The following CELSR1 variants were observed in gnomAD, a reference collection of about 807,000 sequenced individuals.
CELSR1 encodes the protein adhesion G protein-coupled receptor C1.
In CELSR1, 110 loss-of-function variants were observed where a neutral mutation model predicts 249.1. The observed-to-expected ratio is 0.44, with a 90% confidence interval of 0.38 to 0.52. The LOEUF (loss-of-function observed/expected upper bound fraction) is 0.52. CELSR1 is among the 20% of genes least tolerant of loss of function. The pLI, the probability that CELSR1 is intolerant of heterozygous loss-of-function variation, is 0.00. For missense variants in CELSR1, 4,109 were observed against 4,296.4 expected (o/e 0.96, Z 1.22); for synonymous variants, 2,113 against 1,900.0 (o/e 1.11, Z -2.92).
At chr22:46,420,094 C>T (rs1281725345) in intron 5 of CELSR1, among the ~76,000 whole-genome samples, 1 of 149,614 alleles carries the variant, frequency 6.7e-6, no homozygotes, top group Non-Finnish European at 1.5e-5. Flanking sequence ...GCACACCTAC[C>T]CACACTCGTG....
In CELSR1 at chr22:46,537,179, G is replaced by C. The variant is rs1378480334; in HGVS notation, c.-9C>G. Reference sequence around the variant, plus strand: ...GGCGGCGGCGGCGCCATGGCCCGGAGCCCGAGCCCGAGCCGGGCGCCCGAA... The same window carrying C: ...GGCGGCGGCGGCGCCATGGCCCGGACCCCGAGCCCGAGCCGGGCGCCCGAA... On this transcript the variant is annotated 5_prime_UTR_variant, in exon 1 of 35. Transcript: ENST00000674500. The surrounding 1 kb of genome is among the most constrained non-coding windows in gnomAD (Gnocchi z 5.8). The C allele has an allele frequency of 5.9e-6, 6 of 1,016,290 alleles. No homozygotes were observed. Among genetic ancestry groups the C allele is most frequent in the Admixed American group, 1.2e-4 (2 of 16,952 alleles). 63.0% of individuals were successfully genotyped at this position (1,016,290 alleles called of 1,614,324 possible). A position where few individuals can be genotyped will look rare whatever the true frequency, so the allele number is the denominator to read the frequency against.
intron 1 of CELSR1, among the ~76,000 whole-genome samples, chr22:46,497,468 G>A (rs568100161): frequency 1.6e-4 from 24 of 152,244 alleles, no homozygotes; most frequent in Non-Finnish European, 3.1e-4. Flanking sequence ...CCTCTGTCCC[G>A]GGTCTCTGGT....
Position 46,390,374 on chromosome 22 carries a change from T to C in CELSR1, c.6345+18A>G, listed in dbSNP as rs764494036. 4 of 1,598,294 alleles carry C rather than the reference T, an allele frequency of 2.5e-6. No individual in the cohort carries two copies. The highest frequency in any genetic ancestry group is 3.4e-6 in the Non-Finnish European group (4 of 1,169,028). On this transcript the variant is annotated intron_variant, in intron 17 of 34. Transcript: ENST00000674500. The surrounding 1 kb of genome is among the most constrained non-coding windows in gnomAD (Gnocchi z 6.3). ...CACACGTGCCCCTGCTGAACACACA[T>C]CCCCGAGGCGCCCCTACCATGGCCC...
At chr22:46,375,972 G>A (rs763931637) in intron 24 of CELSR1, among the ~76,000 whole-genome samples, 11 of 151,998 alleles carry the variant, frequency 7.2e-5, no homozygotes, top group Non-Finnish European at 1.3e-4. Flanking sequence ...CTTATTCATT[G>A]CACTGGCAAG....
In CELSR1 at chr22:46,447,041, G is replaced by A. The variant is rs566952744; in HGVS notation, c.4184-7630C>T. Among the ~76,000 whole-genome samples, 1 of 152,168 alleles carries A rather than the reference G, an allele frequency of 6.6e-6. No homozygotes were observed. Among genetic ancestry groups the A allele is most frequent in the African/African-American group, 2.4e-5 (1 of 41,518 alleles). ...AGTGGATTACAGTACTGTTTATAGG[G>A]AGCTGGAGGGGCTGCTAGCATGAGT... On this transcript the variant is annotated intron_variant, in intron 2 of 34. Coordinates refer to ENST00000674500, the MANE Select transcript of CELSR1 (RefSeq NM_001378328.1). The surrounding 1 kb of genome is among the most constrained non-coding windows in gnomAD (Gnocchi z 4.7).
At chr22:46,477,172 C>T (rs975784491) in intron 1 of CELSR1, among the ~76,000 whole-genome samples, 2 of 152,162 alleles carry the variant, frequency 1.3e-5, no homozygotes, top group African/African-American at 4.8e-5. Flanking sequence ...CAAACTCCCC[C>T]ACCTTAAAGA....
chr22:46,472,175 C>T lies in CELSR1; in HGVS notation c.3545-7830G>A, dbSNP rs571457658. Among the ~76,000 whole-genome samples the T allele has an allele frequency of 1.3e-5, 2 of 152,306 alleles. No individual in the cohort carries two copies. Among genetic ancestry groups the T allele is most frequent in the East Asian group, 3.9e-4 (2 of 5,184 alleles). ...GAAGGAGACAGAGCAGACGGCAGAG[C>T]GCGAGGCTGCGGGGCCCTCCTGGCA... On this transcript the variant is annotated intron_variant, in intron 1 of 34. Transcript: ENST00000674500. The surrounding 1 kb of genome is among the most constrained non-coding windows in gnomAD (Gnocchi z 7.0).
rs113961999 is a variant in CELSR1, at chr22:46,388,346, CT to C, written c.6555+943del. Among the ~76,000 whole-genome samples the C allele has an allele frequency of 4.5e-3, 682 of 150,572 alleles. 8 individuals carry two copies. Among genetic ancestry groups the C allele is most frequent in the African/African-American group, 0.016 (656 of 40,708 alleles). The stretch of plus-strand genomic sequence containing the variant: ...CCTGGACAACAGAGCAAGACCCCAT[CT>C]TAAAAAAAAAAAGAAATAAAGAAAA... On this transcript the variant is annotated intron_variant, in intron 18 of 34. Coordinates refer to ENST00000674500, the MANE Select transcript of CELSR1 (RefSeq NM_001378328.1).
At chr22:46,443,112 A>G (rs568780780) in intron 2 of CELSR1, among the ~76,000 whole-genome samples, 55 of 152,246 alleles carry the variant, frequency 3.6e-4, no homozygotes, top group African/African-American at 1.3e-3. Context: ...GAAAAAAAAA[A>G]AAAAGAATGT....
chr22:46,511,185 G>GTTT (rs1359666392), intron 1 of CELSR1, among the ~76,000 whole-genome samples: 3 of 152,142 alleles, frequency 2.0e-5, no homozygotes, highest in African/African-American at 7.2e-5. Context: ...ACCCTTGGCA[G>GTTT]TTTTTCTGGT....
At chr22:46,364,468 T>G (rs1365213066) in intron 33 of CELSR1, 44 bp downstream of exon 33, 1 of 1,576,788 alleles carries the variant, frequency 6.3e-7, no homozygotes, top group African/African-American at 1.3e-5. Context: ...CTGGCCCTTC[T>G]GGGTCCTCCA....
intron 20 of CELSR1, among the ~76,000 whole-genome samples, chr22:46,383,175 C>T (rs909698692): frequency 4.6e-5 from 7 of 152,146 alleles, no homozygotes; most frequent in Non-Finnish European, 7.3e-5. Context: ...TCAGGGACCT[C>T]GTCCTCTTAG....
intron 24 of CELSR1, among the ~76,000 whole-genome samples, chr22:46,373,797 C>T (rs1488748157): frequency 1.3e-5 from 2 of 152,058 alleles, no homozygotes; most frequent in Non-Finnish European, 2.9e-5. Context: ...CTGCTCTGGA[C>T]ACACTGTCTA....
intron 1 of CELSR1, among the ~76,000 whole-genome samples, chr22:46,528,557 A>G (rs1033146882): frequency 6.6e-6 from 1 of 152,216 alleles, no homozygotes; most frequent in Non-Finnish European, 1.5e-5. Flanking sequence ...AAGTGAATTA[A>G]AAATGACGTG....
chr22:46,464,430 C>G lies in CELSR1; in HGVS notation c.3545-85G>C. 1 of 1,437,256 alleles carries G rather than the reference C, an allele frequency of 7.0e-7. No homozygotes were observed. Among genetic ancestry groups the G allele is most frequent in the Non-Finnish European group, 9.4e-7 (1 of 1,062,906 alleles). The allele number at this position is 1,437,256 out of a possible 1,614,324, so 89.0% of individuals were successfully genotyped here. Reference sequence around the variant, plus strand: ...GCCCCATCCCAGGAGCAGCCTCAGGCATGCTTGGCAAAGGAGAAGAGAGCC... The same window carrying G: ...GCCCCATCCCAGGAGCAGCCTCAGGGATGCTTGGCAAAGGAGAAGAGAGCC... On this transcript the variant is annotated intron_variant, in intron 1 of 34. Transcript: ENST00000674500. The surrounding 1 kb of genome is among the most constrained non-coding windows in gnomAD (Gnocchi z 8.5).
In CELSR1 at chr22:46,363,153, G is replaced by C. The variant is rs776269925; in HGVS notation, c.*70C>G. On this transcript the variant is annotated 3_prime_UTR_variant, in exon 35 of 35. Coordinates refer to ENST00000674500, the MANE Select transcript of CELSR1 (RefSeq NM_001378328.1). This position sits in a 1 kb window ranked among gnomAD's most constrained non-coding sequence, Gnocchi z 4.3. Reference sequence around the variant, plus strand: ...TCCAAGGTCTGAGGGTGATGCCGCAGCCTGTGTGGGGTGACGGGCTTGCCT... The same window carrying C: ...TCCAAGGTCTGAGGGTGATGCCGCACCCTGTGTGGGGTGACGGGCTTGCCT... 6.2e-7 allele frequency: 1 copy of C among 1,613,780 alleles called. No individual in the cohort carries two copies. The highest frequency in any genetic ancestry group is 8.5e-7 in the Non-Finnish European group (1 of 1,179,904).
At chr22:46,457,979 A>G (rs549344297) in intron 2 of CELSR1, among the ~76,000 whole-genome samples, 22 of 152,314 alleles carry the variant, frequency 1.4e-4, no homozygotes, top group Middle Eastern at 3.4e-3. Context: ...TCATTTGCAC[A>G]CGGTGCCTGC....
Position 46,401,471 on chromosome 22 carries a change from G to A in CELSR1, c.5227-1569C>T, listed in dbSNP as rs1419032828. On this transcript the variant is annotated intron_variant, in intron 9 of 34. Coordinates refer to ENST00000674500, the MANE Select transcript of CELSR1 (RefSeq NM_001378328.1). The surrounding 1 kb of genome is among the most constrained non-coding windows in gnomAD (Gnocchi z 4.7). Reference sequence around the variant, plus strand: ...GACAGAATCTGCAAAACAGCGTGGCGTGTGCTTCCCTGCAAGGCCGTCAGC... The same window carrying A: ...GACAGAATCTGCAAAACAGCGTGGCATGTGCTTCCCTGCAAGGCCGTCAGC... Among the ~76,000 whole-genome samples, 9 of 152,342 alleles carry A rather than the reference G, an allele frequency of 5.9e-5. No individual in the cohort carries two copies. The highest frequency in any genetic ancestry group is 2.6e-4 in the Admixed American group (4 of 15,302).
Position 46,409,622 on chromosome 22 carries a change from G to C in CELSR1, c.5059+133C>G, listed in dbSNP as rs890916160. On this transcript the variant is annotated intron_variant, in intron 8 of 34. Coordinates refer to ENST00000674500, the MANE Select transcript of CELSR1 (RefSeq NM_001378328.1). This position sits in a 1 kb window ranked among gnomAD's most constrained non-coding sequence, Gnocchi z 9.8. The stretch of plus-strand genomic sequence containing the variant: ...TTGGAGAGGGCGGTGTGAGTCCACA[G>C]TAAATGCAGCATATACCACCAGAGG... 9.1e-7 allele frequency: 1 copy of C among 1,097,788 alleles called. No homozygotes were observed. The highest frequency in any genetic ancestry group is 1.3e-6 in the Non-Finnish European group (1 of 753,664). The allele number at this position is 1,097,788 out of a possible 1,614,324, so 68.0% of individuals were successfully genotyped here.
Sources: gnomAD v4.1 joint callset for allele counts (sites outside exome capture counted in the v4.1 genomes callset) on GRCh38, gnomAD v4.1.1 for gene constraint, Gnocchi (gnomAD v3.1) non-coding constraint, MANE v1.5 for transcripts, NCBI Gene and HGNC (gene_info 2026-07-23, HGNC 2026-07-21) for gene names.